Variants in GDA observed in about 807,000 individuals in gnomAD.
GDA encodes guanine deaminase, also known as cytoplasmic PSD-95 interactor.
A neutral mutation model predicts 59.6 loss-of-function variants in GDA; 18 were observed. That is an observed-to-expected ratio of 0.30 (90% confidence interval 0.21 to 0.45). GDA has a LOEUF of 0.45. Among genes scored for constraint, GDA ranks in the 20% least tolerant of loss-of-function variants. The pLI, the probability that GDA is intolerant of heterozygous loss-of-function variation, is 1.00. For missense variants in GDA, 427 were observed against 552.3 expected, an observed-to-expected ratio of 0.77 and a Z score of 2.27; for synonymous variants, 201 against 201.1, an observed-to-expected ratio of 1.00 and a Z score of 0.00.
intron 2 of GDA, among the ~76,000 whole-genome samples, chr9:72,195,827 G>T (rs1027888390): frequency 1.3e-5 from 2 of 152,194 alleles, no homozygotes; most frequent in Admixed American, 1.3e-4. Context: ...TATATTTGTT[G>T]AGCATGCTAT....
chr9:72,185,695 A>C (rs1465781498), intron 1 of GDA, among the ~76,000 whole-genome samples: 1 of 152,236 alleles, frequency 6.6e-6, no homozygotes, highest in African/African-American at 2.4e-5. Context: ...GCTATTTCAC[A>C]GTGGCTCAAA....
Position 72,223,155 on chromosome 9 carries a change from T to C in GDA, c.642T>C (p.Phe214=). 2 of 1,612,120 alleles carry C rather than the reference T, an allele frequency of 1.2e-6. No individual in the cohort carries two copies. Among genetic ancestry groups the C allele is most frequent in the African/African-American group, 1.3e-5 (1 of 75,030 alleles). ...SRVKPIVTPR[F]SLSCSETLMG... ...TGAAGCCCATAGTGACACCACGTTT[T>C]TCCCTCTCCTGCTCTGAGACTTTGA... The change falls in exon 7 of 14, where the codon TTT becomes TTC. Residue 214 remains phenylalanine (F), a synonymous_variant. Transcript: ENST00000358399.
Position 72,202,605 on chromosome 9 carries a change from A to C in GDA, c.247A>C (p.Ile83Leu), listed in dbSNP as rs1834134821. The change falls in exon 3 of 14, where the codon ATC becomes CTC. Residue 83 changes from isoleucine (I) to leucine (L), a missense_variant. Transcript: ENST00000358399. Reference sequence around the variant, plus strand: ...CATGCCTGGGCTGGTTGATACACACATCCATGCCTCTCAGTATTCCTTTGC... The same window carrying C: ...CATGCCTGGGCTGGTTGATACACACCTCCATGCCTCTCAGTATTCCTTTGC... ...FFMPGLVDTH[I>L]HASQYSFAGS... 6.2e-7 allele frequency: 1 copy of C among 1,612,084 alleles called. No homozygotes were observed. Among genetic ancestry groups the C allele is most frequent in the Admixed American group, 1.7e-5 (1 of 59,970 alleles).
At chr9:72,142,548 G>C (rs1253249793) in intron 1 of GDA, among the ~76,000 whole-genome samples, 1 of 151,052 alleles carries the variant, frequency 6.6e-6, no homozygotes, top group Admixed American at 6.6e-5. Flanking sequence ...ACTCCAGCCT[G>C]GGCAACAGAG....
At chr9:72,242,191 C>T (rs1222161150) in intron 11 of GDA, among the ~76,000 whole-genome samples, 1 of 152,190 alleles carries the variant, frequency 6.6e-6, no homozygotes, top group Non-Finnish European at 1.5e-5. Flanking sequence ...TTACCTTCTG[C>T]CCTTCCACTA....
chr9:72,130,670 T>A (rs1825996145), intron 1 of GDA, among the ~76,000 whole-genome samples: 1 of 152,188 alleles, frequency 6.6e-6, no homozygotes, highest in Non-Finnish European at 1.5e-5. Flanking sequence ...TTGAGGTGGC[T>A]AAAGAGTTAC....
chr9:72,124,759 A>G (rs1275903508), intron 1 of GDA, among the ~76,000 whole-genome samples: 1 of 152,008 alleles, frequency 6.6e-6, no homozygotes, highest in Non-Finnish European at 1.5e-5. Context: ...GGGTTATGGG[A>G]ATAATCAGCC....
chr9:72,160,290 C>T (rs1005772905), intron 1 of GDA, among the ~76,000 whole-genome samples: 4 of 152,096 alleles, frequency 2.6e-5, no homozygotes, highest in African/African-American at 9.7e-5. Context: ...GCCTGGGCAA[C>T]AGAACGAGAC....
chr9:72,199,488 C>T (rs1833663841), intron 2 of GDA, among the ~76,000 whole-genome samples: 1 of 152,200 alleles, frequency 6.6e-6, no homozygotes, highest in African/African-American at 2.4e-5. Context: ...AATGAACATG[C>T]TCATTTCTCC....
At chr9:72,165,577 C>T (rs1482347495) in intron 1 of GDA, among the ~76,000 whole-genome samples, 1 of 151,740 alleles carries the variant, frequency 6.6e-6, no homozygotes, top group Non-Finnish European at 1.5e-5. Flanking sequence ...TAGGGAATGG[C>T]TAAAAAGAAA....
intron 1 of GDA, among the ~76,000 whole-genome samples, chr9:72,123,937 T>A (rs1825763274): frequency 6.6e-6 from 1 of 152,220 alleles, no homozygotes; most frequent in Non-Finnish European, 1.5e-5. Flanking sequence ...AAACTCTGAT[T>A]AAGTAGAAGA....
intron 13 of GDA, among the ~76,000 whole-genome samples, chr9:72,247,971 T>C (rs1323610514): frequency 6.6e-6 from 1 of 152,148 alleles, no homozygotes; most frequent in Non-Finnish European, 1.5e-5. Context: ...TCTTTCTCAG[T>C]GGGGGCAAAA....
chr9:72,149,348 G>C (rs1587344450), upstream of GDA: 3 of 547,896 alleles, frequency 5.5e-6, no homozygotes, highest in Non-Finnish European at 3.2e-6. Flanking sequence ...GCCAACTCGC[G>C]GGAGAAAAAT....
intron 6 of GDA, among the ~76,000 whole-genome samples, chr9:72,221,968 C>A (rs1163714838): frequency 6.6e-6 from 1 of 152,168 alleles, no homozygotes; most frequent in Non-Finnish European, 1.5e-5. Context: ...CATTGATGGG[C>A]ATTTAGGTTG....
At chr9:72,209,704 T>C (rs866390319) in intron 3 of GDA, among the ~76,000 whole-genome samples, 6 of 152,178 alleles carry the variant, frequency 3.9e-5, no homozygotes, top group Non-Finnish European at 2.9e-5. Context: ...CTGGAATTTC[T>C]GGGTGGAGGT....
intron 1 of GDA, among the ~76,000 whole-genome samples, chr9:72,153,677 G>A (rs530517742): frequency 0.032 from 4,776 of 151,492 alleles, 270 homozygotes; most frequent in African/African-American, 0.11. Flanking sequence ...CATGTCCTTT[G>A]TAGGGACATG....
intron 1 of GDA, among the ~76,000 whole-genome samples, chr9:72,154,440 A>G (rs1209543927): frequency 6.6e-6 from 1 of 152,118 alleles, no homozygotes; most frequent in African/African-American, 2.4e-5. Context: ...GCTCACTGTG[A>G]TATTTTGCAT....
intron 6 of GDA, among the ~76,000 whole-genome samples, chr9:72,220,691 A>T (rs966735049): frequency 6.6e-6 from 1 of 152,050 alleles, no homozygotes; most frequent in Non-Finnish European, 1.5e-5. Context: ...GACTGGTGGC[A>T]CCTGGAAGTT....
rs73482184 is a variant in GDA, at chr9:72,141,279, G to A, written c.-100+26446G>A. 6.3e-3 allele frequency among the ~76,000 whole-genome samples: 959 copies of A among 152,082 alleles called. 10 individuals are homozygous for A. Among genetic ancestry groups the A allele is most frequent in the African/African-American group, 0.022 (908 of 41,480 alleles). On this transcript the variant is annotated intron_variant, in intron 1 of 13. Transcript: ENST00000545168. ...GATTCTTCTCACAACTATAGTTAGTGGGTTTTGCATTTTATATGGAAGAGT... is the reference window on the plus strand; with the variant it reads ...GATTCTTCTCACAACTATAGTTAGTAGGTTTTGCATTTTATATGGAAGAGT...
Sources: gnomAD v4.1 joint callset for allele counts (sites outside exome capture counted in the v4.1 genomes callset) on GRCh38, gnomAD v4.1.1 for gene constraint, MANE v1.5 for transcripts, NCBI Gene and HGNC (gene_info 2026-07-23, HGNC 2026-07-21) for gene names.